Variants in RIN2 observed in about 807,000 individuals in gnomAD.
RIN2 encodes the protein Ras and Rab interactor 2, also known as RAB5 interacting protein 2.
In RIN2, 36 loss-of-function variants were observed where a neutral mutation model predicts 78.0. That is an observed-to-expected ratio of 0.46 (90% CI 0.35 to 0.61). The LOEUF (loss-of-function observed/expected upper bound fraction) is 0.61. Among genes scored for constraint, RIN2 ranks in the 20% least tolerant of loss-of-function variants. RIN2 has a pLI of 0.00. For missense variants in RIN2, 1,087 were observed against 1,159.7 expected, an observed-to-expected ratio of 0.94 and a Z score of 0.91; for synonymous variants, 466 against 466.8, an observed-to-expected ratio of 1.00 and a Z score of 0.02.
At chr20:19,891,573 C>T (rs1438752696) in intron 3 of RIN2, among the ~76,000 whole-genome samples, 1 of 152,142 alleles carries the variant, frequency 6.6e-6, no homozygotes, top group Non-Finnish European at 1.5e-5. Context: ...AATTCCAGCA[C>T]TTTGGGAGGC....
rs1160694151 is a variant in RIN2 at position 19,961,970 on chromosome 20, A to G, written c.463+1159A>G. Among the ~76,000 whole-genome samples, 3 of 152,190 alleles carry G rather than the reference A, an allele frequency of 2.0e-5. No individual in the cohort carries two copies. The East Asian group carries it at 5.8e-4, about 29-fold the overall frequency. On this transcript the variant is annotated intron_variant, in intron 6 of 12. Transcript: ENST00000255006. The stretch of plus-strand genomic sequence containing the variant: ...GGTGAATTGATAATGAATTTATATT[A>G]AGTGAATCAATTAAGTAATTCTGAA...
At chr20:19,852,945 A>T (rs1443413362) in intron 2 of RIN2, among the ~76,000 whole-genome samples, 1 of 151,826 alleles carries the variant, frequency 6.6e-6, no homozygotes, top group Non-Finnish European at 1.5e-5. Context: ...CAGGTTTGTT[A>T]CATATGTATA....
intron 2 of RIN2, among the ~76,000 whole-genome samples, chr20:19,869,831 T>TATTGATTGATTGATTG (rs1219910035): frequency 6.6e-6 from 1 of 151,254 alleles, no homozygotes; most frequent in African/African-American, 2.4e-5. Context: ...TTTATTTATT[T>TATTGATTGATTGATTG]ATTGTAGAGA....
chr20:19,985,048 C>T (rs2146362781), intron 9 of RIN2, among the ~76,000 whole-genome samples: 1 of 152,340 alleles, frequency 6.6e-6, no homozygotes, highest in East Asian at 1.9e-4. Flanking sequence ...CCCACGGCTC[C>T]CAGGGCTCTT....
chr20:19,830,764 T>G (rs958378362), intron 2 of RIN2, among the ~76,000 whole-genome samples: 2 of 152,196 alleles, frequency 1.3e-5, no homozygotes, highest in African/African-American at 4.8e-5. Flanking sequence ...GGGGAGTCTA[T>G]AGCTGCCACC....
chr20:19,985,879 C>G (rs1425132655), intron 9 of RIN2, among the ~76,000 whole-genome samples: 2 of 152,178 alleles, frequency 1.3e-5, no homozygotes, highest in African/African-American at 4.8e-5. Context: ...CTGGCTCTCC[C>G]TCTTGATAGC....
intron 2 of RIN2, among the ~76,000 whole-genome samples, chr20:19,860,074 CT>C (rs1286816335): frequency 6.6e-6 from 1 of 152,184 alleles, no homozygotes; most frequent in Non-Finnish European, 1.5e-5. Flanking sequence ...TGCAAAGGAG[CT>C]GGGTGTTTAT....
chr20:19,957,163 C>T (rs1443190598), intron 5 of RIN2, among the ~76,000 whole-genome samples: 3 of 152,166 alleles, frequency 2.0e-5, no homozygotes, highest in Non-Finnish European at 1.5e-5. Context: ...CTGCTACCTT[C>T]CTCTCCTTCT....
intron 1 of RIN2, among the ~76,000 whole-genome samples, chr20:19,781,434 G>T (rs2034501611): frequency 6.6e-6 from 1 of 152,154 alleles, no homozygotes; most frequent in Admixed American, 6.5e-5. Flanking sequence ...AGAAAAGCAT[G>T]AGTGTTGCAT....
At chr20:19,938,031 C>T (rs2040717614) in intron 4 of RIN2, among the ~76,000 whole-genome samples, 1 of 152,222 alleles carries the variant, frequency 6.6e-6, no homozygotes, top group Non-Finnish European at 1.5e-5. Context: ...CATGGTCCAT[C>T]TGCCCTCCTT....
rs746068403 is a variant in RIN2 at position 19,990,327 on chromosome 20, G to A, written c.2068+16G>A. The stretch of plus-strand genomic sequence containing the variant: ...AACAACTCAGGTGAGGCCGCTGGAA[G>A]CCCAGGCTTCGTGCCGCTTCCCTTC... On this transcript the variant is annotated intron_variant, in intron 10 of 12. Coordinates refer to ENST00000255006, the MANE Select transcript of RIN2 (RefSeq NM_018993.4). 1 of 1,595,400 alleles carries A rather than the reference G, an allele frequency of 6.3e-7. No individual in the cohort carries two copies. Among genetic ancestry groups the A allele is most frequent in the East Asian group, 2.2e-5 (1 of 44,478 alleles).
At chr20:19,942,109 C>CAAAAAAAAAAAAA (rs755899342) in intron 4 of RIN2, among the ~76,000 whole-genome samples, 1 of 68,352 alleles carries the variant, frequency 1.5e-5, no homozygotes, top group African/African-American at 1.2e-4. Flanking sequence ...GACTCTATCT[C>CAAAAAAAAAAAAA]AAAAAAAAAA....
At chr20:19,999,722 T>G (rs2043083175) in intron 12 of RIN2, among the ~76,000 whole-genome samples, 1 of 152,230 alleles carries the variant, frequency 6.6e-6, no homozygotes, top group African/African-American at 2.4e-5. Context: ...GCCACAGGTT[T>G]ACATGTTTCA....
chr20:19,768,479 G>A (rs1304345472), intron 1 of RIN2, among the ~76,000 whole-genome samples: 1 of 152,238 alleles, frequency 6.6e-6, no homozygotes, highest in African/African-American at 2.4e-5. Context: ...TGCGGGCAAA[G>A]CGAGTCCCAT....
At chr20:19,835,376 G>C (rs2036390897) in intron 2 of RIN2, among the ~76,000 whole-genome samples, 1 of 152,200 alleles carries the variant, frequency 6.6e-6, no homozygotes. Context: ...AAGTGCTCAT[G>C]TGTAAATGTT....
At chr20:19,882,290 G>A (rs1009501029) in intron 2 of RIN2, among the ~76,000 whole-genome samples, 9 of 152,128 alleles carry the variant, frequency 5.9e-5, no homozygotes, top group Non-Finnish European at 4.4e-5. Flanking sequence ...ATCTTAAACA[G>A]TAAAGTTTCA....
intron 1 of RIN2, among the ~76,000 whole-genome samples, chr20:19,771,736 T>C (rs1389453126): frequency 6.6e-6 from 1 of 152,214 alleles, no homozygotes; most frequent in African/African-American, 2.4e-5. Context: ...TCTCTGATCC[T>C]ATCCTCTTTC....
intron 2 of RIN2, among the ~76,000 whole-genome samples, chr20:19,864,075 C>G (rs1332933994): frequency 6.6e-6 from 1 of 150,918 alleles, no homozygotes; most frequent in African/African-American, 2.4e-5. Flanking sequence ...GATACATAAA[C>G]AGTTATACGA....
intron 2 of RIN2, among the ~76,000 whole-genome samples, chr20:19,810,429 C>T (rs542966716): frequency 6.6e-6 from 1 of 151,866 alleles, no homozygotes; most frequent in East Asian, 2.0e-4. Context: ...AAAAGAAGTG[C>T]CAAGAGTACC....
Sources: gnomAD v4.1 joint callset for allele counts (sites outside exome capture counted in the v4.1 genomes callset) on GRCh38, gnomAD v4.1.1 for gene constraint, MANE v1.5 for transcripts, NCBI Gene and HGNC (gene_info 2026-07-23, HGNC 2026-07-21) for gene names.